EQTN: variants seen among roughly 807,000 people sequenced by gnomAD.
EQTN encodes the protein Acrosome formation associated factor.
In EQTN, 29 loss-of-function variants were observed where a neutral mutation model predicts 26.9. The observed-to-expected ratio is 1.08, with a 90% CI of 0.80 to 1.47. EQTN has a LOEUF of 1.47. Ranked by LOEUF, EQTN falls within the 40% of genes most tolerant of loss-of-function variation. The pLI is 0.00. For missense variants in EQTN, 391 were observed against 346.1 expected (o/e 1.13, Z -1.03); for synonymous variants, 129 against 120.0 (o/e 1.07, Z -0.49).
intron 7 of EQTN, 104 bp from the exon 8 acceptor site, chr9:27,285,076 A>T (rs1820090758): frequency 1.1e-6 from 1 of 903,530 alleles, no homozygotes. Flanking sequence ...ATTTTGCCCA[A>T]AGTGTTAGTT....
chr9:27,295,209 TA>T (rs1301135055), intron 2 of EQTN, among the ~76,000 whole-genome samples: 1 of 152,176 alleles, frequency 6.6e-6, no homozygotes, highest in African/African-American at 2.4e-5. Flanking sequence ...ACGACACACA[TA>T]AAAACGGTAC....
chr9:27,292,210 T>C, intron 4 of EQTN, 191 bp downstream of exon 4: 1 of 354,650 alleles, frequency 2.8e-6, no homozygotes, highest in East Asian at 4.1e-5. Flanking sequence ...TTCTCATCCT[T>C]TGTCAGGTAT....
At chr9:27,294,236 T>TC in intron 3 of EQTN, 80 bp downstream of exon 3, 1 of 921,494 alleles carries the variant, frequency 1.1e-6, no homozygotes, top group South Asian at 1.8e-5. Flanking sequence ...ACTTCTTTTC[T>TC]CCCCAACAGT....
chr9:27,288,839 T>C (rs763865019), intron 6 of EQTN, among the ~76,000 whole-genome samples: 14 of 152,158 alleles, frequency 9.2e-5, no homozygotes, highest in Non-Finnish European at 1.9e-4. Flanking sequence ...TCAGTGGTTT[T>C]CAGGGGTTCA....
At chr9:27,291,589 A>G (rs1396519463) in intron 4 of EQTN, among the ~76,000 whole-genome samples, 4 of 152,270 alleles carry the variant, frequency 2.6e-5, no homozygotes, top group African/African-American at 7.2e-5. Flanking sequence ...CAGTGGCCAG[A>G]TTGTTTCGGA....
At chr9:27,291,852 C>T (rs1001565255) in intron 4 of EQTN, among the ~76,000 whole-genome samples, 4 of 151,972 alleles carry the variant, frequency 2.6e-5, no homozygotes, top group Non-Finnish European at 4.4e-5. Context: ...TCAATTAGGC[C>T]GCTTATTCAA....
chr9:27,295,005 C>T (rs760051845), intron 2 of EQTN, among the ~76,000 whole-genome samples: 27 of 152,180 alleles, frequency 1.8e-4, no homozygotes, highest in East Asian at 1.3e-3. Flanking sequence ...TGTCTCCTCT[C>T]TCCAAAATTT....
At chr9:27,291,138 C>CATTT (rs1301400013) in intron 4 of EQTN, 75 bp from the exon 5 acceptor site, 1 of 1,337,548 alleles carries the variant, frequency 7.5e-7, no homozygotes, top group Non-Finnish European at 1.0e-6. Flanking sequence ...GTTTGAGGAA[C>CATTT]ATTCGTTTGT....
chr9:27,284,875 T>C lies in EQTN; in HGVS notation c.733A>G (p.Lys245Glu). The C allele has an allele frequency of 2.5e-6, 4 of 1,614,140 alleles. No homozygotes were observed. Among genetic ancestry groups the C allele is most frequent in the Non-Finnish European group, 3.4e-6 (4 of 1,180,030 alleles). ...AAAAATGTGCTGCTCTCTGCACTCT[T>C]GGAAAAGGATGTATCTGAAACACCT... The part of the protein sequence containing the change: ...SEGVSDTSFS[K>E]SAESSTFLGT... Residue 245 changes from lysine to glutamate, a missense_variant, in exon 8 of 8, where the codon AAG becomes GAG. Lys to Glu is a moderately conservative substitution (Grantham distance 56, BLOSUM62 1). Transcript: ENST00000380032.
intron 7 of EQTN, among the ~76,000 whole-genome samples, chr9:27,285,268 C>T (rs190716876): frequency 4.2e-4 from 63 of 150,544 alleles, no homozygotes; most frequent in African/African-American, 1.1e-3. Context: ...CTCAGCCTCC[C>T]GAGTAGCTGG....
rs138814804 is a variant in EQTN at position 27,296,712 on chromosome 9, C to G, written c.103G>C (p.Glu35Gln). 46 of 1,610,094 alleles carry G rather than the reference C, an allele frequency of 2.9e-5. No homozygotes were observed. The highest frequency in any genetic ancestry group is 3.7e-5 in the Non-Finnish European group (44 of 1,178,700). Reference protein sequence around the residue: ...EALPNVLPLNEDVNKQEEKNE... With the variant: ...EALPNVLPLNQDVNKQEEKNE... ...TTTTCTTCCTGCTTATTAACATCTT[C>G]ATTTAAAGGTAGCACATTAGGCAAT... Residue 35 changes from glutamate to glutamine, a missense_variant, in exon 2 of 8, where the codon GAA (glutamate) becomes CAA (glutamine). Coordinates refer to ENST00000380032, the MANE Select transcript of EQTN (RefSeq NM_020641.3).
At chr9:27,295,937 A>T (rs1241929828) in intron 2 of EQTN, among the ~76,000 whole-genome samples, 1 of 152,112 alleles carries the variant, frequency 6.6e-6, no homozygotes, top group East Asian at 1.9e-4. Flanking sequence ...CAAAATGCAG[A>T]GATTATAAAG....
intron 4 of EQTN, 54 bp from the exon 5 acceptor site, chr9:27,291,117 A>C: frequency 6.7e-7 from 1 of 1,487,088 alleles, no homozygotes; most frequent in East Asian, 2.4e-5. Context: ...ACAGGATAAC[A>C]AAATAATTTA....
intron 6 of EQTN, among the ~76,000 whole-genome samples, chr9:27,289,065 A>G (rs936574750): frequency 9.2e-5 from 14 of 152,262 alleles, no homozygotes; most frequent in Admixed American, 5.9e-4. Context: ...AAGGTACCAC[A>G]TCATGCAAGA....
In EQTN at chr9:27,290,287, T is replaced by A. The variant is rs1275655405; in HGVS notation, c.422-556A>T. Among the ~76,000 whole-genome samples the A allele has an allele frequency of 2.7e-5, 4 of 149,932 alleles. No individual in the cohort carries two copies. In the East Asian group the frequency reaches 5.9e-4, roughly 22 times the overall value. ...ACTTATTTACAGAACGAGAGCTGAA[T>A]AAAGAAGGCAGAATATTGCCTTGTT... On this transcript the variant is annotated intron_variant, in intron 5 of 7. Transcript: ENST00000380032.
chr9:27,293,421 G>T (rs1382177158), intron 3 of EQTN, among the ~76,000 whole-genome samples: 1 of 152,176 alleles, frequency 6.6e-6, no homozygotes, highest in East Asian at 1.9e-4. Context: ...AAAGTTATCC[G>T]CAGATCTCCA....
chr9:27,296,867 C>G, intron 1 of EQTN, 113 bp downstream of exon 1: 1 of 1,554,436 alleles, frequency 6.4e-7, no homozygotes, highest in South Asian at 1.2e-5. Flanking sequence ...TACCATAGCT[C>G]CAACAATAAA....
In EQTN at chr9:27,292,429, A is replaced by G; in HGVS notation, c.348T>C (p.Thr116=). ...EKSTIEEETT[T]SEPSHKNIQR... ...GAATATTTTTATGAGAGGGTTCGCT[A>G]GTAGTTGTTTCTTCTTCAATGGTGG... is the stretch of plus-strand genomic sequence containing the variant. Residue 116 remains threonine, a synonymous_variant, in exon 4 of 8, where the codon ACT becomes ACC. Coordinates refer to ENST00000380032, the MANE Select transcript of EQTN (RefSeq NM_020641.3). 6.2e-7 allele frequency: 1 copy of G among 1,608,044 alleles called. No individual in the cohort carries two copies. Among genetic ancestry groups the G allele is most frequent in the Non-Finnish European group, 8.5e-7 (1 of 1,176,342 alleles).
rs532262028 is a variant in EQTN at position 27,285,090 on chromosome 9, T to A, written c.636-118A>T. On this transcript the variant is annotated intron_variant, in intron 7 of 7. Coordinates refer to ENST00000380032, the MANE Select transcript of EQTN (RefSeq NM_020641.3). Reference sequence around the variant, plus strand: ...AATTTTGCCCAAAGTGTTAGTTACTTAGTAACATTATGTGAATGATATATA... The same window carrying A: ...AATTTTGCCCAAAGTGTTAGTTACTAAGTAACATTATGTGAATGATATATA... The A allele has an allele frequency of 7.2e-4, 487 of 679,938 alleles. 2 individuals carry two copies. The highest frequency in any genetic ancestry group is 9.9e-4 in the Non-Finnish European group (417 of 421,144). The allele number at this position is 679,938 out of a possible 1,614,324, so 42.1% of individuals were successfully genotyped here.
Sources: allele counts gnomAD v4.1 joint callset (sites outside exome capture counted in the v4.1 genomes callset), GRCh38; gene constraint gnomAD v4.1.1; transcripts MANE v1.5; gene names NCBI Gene and HGNC (gene_info 2026-07-23, HGNC 2026-07-21).